The following LRP1B variants were observed in gnomAD, a reference collection of about 807,000 sequenced individuals.
LRP1B encodes the protein low-density lipoprotein receptor-related protein 1B.
A neutral mutation model predicts 556.6 loss-of-function variants in LRP1B; 217 were observed. The observed-to-expected ratio is 0.39, with a 90% CI of 0.35 to 0.44. The LOEUF (loss-of-function observed/expected upper bound fraction) is 0.44, where lower values mean the gene tolerates loss of function less well. Among genes scored for constraint, LRP1B ranks in the 20% least tolerant of loss-of-function variants. LRP1B has a pLI of 1.00. For synonymous variants in LRP1B, 2,047 were observed against 1,865.8 expected, an observed-to-expected ratio of 1.10 and a Z score of -2.50; for missense variants, 5,053 against 5,620.8, an observed-to-expected ratio of 0.90 and a Z score of 3.23.
At chr2:141,981,957 T>C (rs1245697197) in intron 1 of LRP1B, among the ~76,000 whole-genome samples, 1 of 152,156 alleles carries the variant, frequency 6.6e-6, no homozygotes, top group African/African-American at 2.4e-5. Context: ...AACCTCCATT[T>C]TCTTAGATTC....
In LRP1B at chr2:141,889,200, TA is replaced by T. The variant is rs1372370965; in HGVS notation, c.83-78800del. 3.9e-5 allele frequency among the ~76,000 whole-genome samples: 6 copies of T among 152,054 alleles called. No individual in the cohort carries two copies. The East Asian group carries it at 1.2e-3, about 30-fold the overall frequency. ...TTAAGTAAGCATTATTAATATTTTTTAAAAAAACTGTAGCATAAATAAGAAA... is the reference window on the plus strand; with the variant it reads ...TTAAGTAAGCATTATTAATATTTTTTAAAAAACTGTAGCATAAATAAGAAA... On this transcript the variant is annotated intron_variant, in intron 1 of 90. Transcript: ENST00000389484.
At chr2:141,122,584 A>G (rs1335402227) in intron 7 of LRP1B, among the ~76,000 whole-genome samples, 1 of 152,128 alleles carries the variant, frequency 6.6e-6, no homozygotes, top group Non-Finnish European at 1.5e-5. Flanking sequence ...GGCGATCATT[A>G]AAAAGTCAGG....
intron 32 of LRP1B, among the ~76,000 whole-genome samples, chr2:140,796,676 T>C (rs1690326550): frequency 6.6e-6 from 1 of 152,254 alleles, no homozygotes; most frequent in Non-Finnish European, 1.5e-5. Flanking sequence ...GTCCTTGAAC[T>C]AAGTGACATT....
intron 7 of LRP1B, among the ~76,000 whole-genome samples, chr2:141,107,502 T>A (rs577227351): frequency 8.1e-4 from 123 of 152,128 alleles, no homozygotes; most frequent in African/African-American, 2.9e-3. Context: ...AAAAATTAGC[T>A]GGACATGGTG....
chr2:141,603,012 G>A (rs1311699388), intron 2 of LRP1B, among the ~76,000 whole-genome samples: 1 of 152,088 alleles, frequency 6.6e-6, no homozygotes, highest in Non-Finnish European at 1.5e-5. Flanking sequence ...ACCTAATTGT[G>A]TCAAATATTC....
chr2:140,690,157 A>C (rs1473225138), intron 41 of LRP1B, among the ~76,000 whole-genome samples: 5 of 151,936 alleles, frequency 3.3e-5, no homozygotes, highest in African/African-American at 9.7e-5. Flanking sequence ...TTATCACCAG[A>C]GAAGAAGAAA....
At chr2:141,950,860 G>T (rs1479043889) in intron 1 of LRP1B, among the ~76,000 whole-genome samples, 3 of 152,076 alleles carry the variant, frequency 2.0e-5, no homozygotes, top group African/African-American at 4.8e-5. Context: ...TTTATATCAA[G>T]ATATATTGTA....
chr2:140,588,826 G>C (rs1682097209), intron 43 of LRP1B, among the ~76,000 whole-genome samples: 1 of 95,968 alleles, frequency 1.0e-5, no homozygotes, highest in Admixed American at 1.3e-4. Context: ...GGGTGTGGTG[G>C]CACACGCCTG....
At chr2:141,860,318 T>C (rs901042098) in intron 1 of LRP1B, among the ~76,000 whole-genome samples, 1 of 152,228 alleles carries the variant, frequency 6.6e-6, no homozygotes, top group Admixed American at 6.5e-5. Context: ...TTTTATATTT[T>C]ATATTTGGTT....
At chr2:141,458,536 G>A (rs975405497) in intron 3 of LRP1B, among the ~76,000 whole-genome samples, 9 of 152,086 alleles carry the variant, frequency 5.9e-5, no homozygotes, top group African/African-American at 7.2e-5. Context: ...AAGTGAATAC[G>A]GTACCTATCC....
chr2:141,466,950 G>GATATATATATATATATATATATATAGAT (rs59093011), intron 3 of LRP1B, among the ~76,000 whole-genome samples: 1 of 140,794 alleles, frequency 7.1e-6, no homozygotes, highest in South Asian at 2.4e-4. Context: ...GTGCTCAGGG[G>GATATATATATATATATATATATATAGAT]ATATATATAT....
chr2:140,512,638 G>T (rs999537276), intron 51 of LRP1B, among the ~76,000 whole-genome samples: 1 of 152,030 alleles, frequency 6.6e-6, no homozygotes, highest in African/African-American at 2.4e-5. Flanking sequence ...TCTCTCAAAA[G>T]ATGGAAATAA....
intron 31 of LRP1B, among the ~76,000 whole-genome samples, chr2:140,819,289 A>G (rs1350457391): frequency 6.6e-6 from 1 of 152,210 alleles, no homozygotes; most frequent in Non-Finnish European, 1.5e-5. Flanking sequence ...ATTTGGAGAT[A>G]ATCTAATTAC....
chr2:140,573,938 A>G (rs977797844), intron 43 of LRP1B, among the ~76,000 whole-genome samples: 5 of 152,100 alleles, frequency 3.3e-5, no homozygotes, highest in Non-Finnish European at 7.4e-5. Context: ...AAATAGCTGT[A>G]CTACTAATGC....
At chr2:141,145,535 C>CT (rs71723433) in intron 7 of LRP1B, among the ~76,000 whole-genome samples, 48,644 of 144,002 alleles carry the variant, frequency 0.34, 8,955 homozygotes, top group African/African-American at 0.52. Flanking sequence ...TTTAATTAAA[C>CT]TTTTTTTTTT....
At chr2:140,242,688 G>T (rs753339820) in intron 87 of LRP1B, among the ~76,000 whole-genome samples, 4 of 151,006 alleles carry the variant, frequency 2.6e-5, no homozygotes, top group Non-Finnish European at 5.9e-5. Flanking sequence ...AGACTAGTTT[G>T]TCTCTGAGGC....
chr2:142,035,565 T>G (rs2105205076), intron 1 of LRP1B, among the ~76,000 whole-genome samples: 1 of 151,836 alleles, frequency 6.6e-6, no homozygotes, highest in South Asian at 2.1e-4. Flanking sequence ...AGTTACTTTC[T>G]TTCTTATATA....
intron 2 of LRP1B, among the ~76,000 whole-genome samples, chr2:141,590,588 A>G (rs1687300781): frequency 6.6e-6 from 1 of 152,128 alleles, no homozygotes; most frequent in South Asian, 2.1e-4. Context: ...GAGCTATAAA[A>G]GAGTGAAACA....
intron 2 of LRP1B, among the ~76,000 whole-genome samples, chr2:141,798,015 C>A (rs907947373): frequency 6.6e-6 from 1 of 152,120 alleles, no homozygotes; most frequent in Non-Finnish European, 1.5e-5. Flanking sequence ...ACAAATAATA[C>A]TCTGGGGACA....
Sources: gnomAD v4.1 joint callset for allele counts (sites outside exome capture counted in the v4.1 genomes callset) on GRCh38, gnomAD v4.1.1 for gene constraint, MANE v1.5 for transcripts, NCBI Gene and HGNC (gene_info 2026-07-23, HGNC 2026-07-21) for gene names.